Variants in VSTM4 observed in about 807,000 individuals in gnomAD.
VSTM4 encodes the protein V-set and transmembrane domain-containing protein 4.
In VSTM4, 20 loss-of-function variants were observed where a neutral mutation model predicts 36.4. The observed-to-expected ratio is 0.55, with a 90% confidence interval of 0.39 to 0.80. The LOEUF (loss-of-function observed/expected upper bound fraction) is 0.80. VSTM4 is among the 30% of genes least tolerant of loss of function. VSTM4 has a pLI of 0.00. For synonymous variants in VSTM4, 182 were observed against 173.9 expected (o/e 1.05, Z -0.37); for missense variants, 392 against 404.5 (o/e 0.97, Z 0.26).
chr10:49,037,486 G>A (rs557746326), intron 7 of VSTM4, among the ~76,000 whole-genome samples: 2 of 152,316 alleles, frequency 1.3e-5, no homozygotes, highest in Admixed American at 6.5e-5. Flanking sequence ...ATCCTCCCAC[G>A]CAAACATTAT....
At chr10:49,046,634 CAT>C (rs1201599174) in intron 7 of VSTM4, among the ~76,000 whole-genome samples, 1 of 152,182 alleles carries the variant, frequency 6.6e-6, no homozygotes, top group African/African-American at 2.4e-5. Context: ...AAAGCTATGA[CAT>C]ATTTTCTGGA....
At chr10:49,045,770 A>C (rs1195896912) in intron 7 of VSTM4, among the ~76,000 whole-genome samples, 1 of 152,168 alleles carries the variant, frequency 6.6e-6, no homozygotes, top group Non-Finnish European at 1.5e-5. Flanking sequence ...CACCATTAAC[A>C]AGATATATTG....
intron 7 of VSTM4, among the ~76,000 whole-genome samples, chr10:49,030,072 G>T (rs1877806): frequency 6.6e-6 from 1 of 152,122 alleles, no homozygotes; most frequent in Non-Finnish European, 1.5e-5. Context: ...CTGTGTGTGG[G>T]GTGGCAGCAG....
At chr10:49,031,200 C>G (rs59250742) in intron 7 of VSTM4, among the ~76,000 whole-genome samples, 5,721 of 152,302 alleles carry the variant, frequency 0.038, 313 homozygotes, top group African/African-American at 0.11. Flanking sequence ...CTAGACCCAT[C>G]TAATTGTGCA....
rs1035984141 is a variant in VSTM4 at position 49,017,794 on chromosome 10, C to T, written c.*1856G>A. On this transcript the variant is annotated 3_prime_UTR_variant, in exon 8 of 8. Transcript: ENST00000332853. ...AAATTAGGAGATCATCCTCTGCCCT[C>T]AAAACACTATACATCTGTCAGAACA... 9 of 152,116 alleles carry T rather than the reference C, an allele frequency of 5.9e-5. No individual in the cohort carries two copies. The highest frequency in any genetic ancestry group is 2.2e-4 in the African/African-American group (9 of 41,402). The allele number at this position is 152,116 out of a possible 1,614,324, so 9.4% of individuals were successfully genotyped here. A position where few individuals can be genotyped will look rare whatever the true frequency, so the allele number is the denominator to read the frequency against.
chr10:49,065,647 G>T (rs1342345637), intron 4 of VSTM4, among the ~76,000 whole-genome samples: 1 of 152,132 alleles, frequency 6.6e-6, no homozygotes, highest in Non-Finnish European at 1.5e-5. Flanking sequence ...CCAAGGCCCC[G>T]AACAACCAGG....
chr10:49,031,826 C>T (rs550198005), intron 7 of VSTM4, among the ~76,000 whole-genome samples: 24 of 152,160 alleles, frequency 1.6e-4, no homozygotes, highest in South Asian at 2.1e-4. Flanking sequence ...TTGCTCCACA[C>T]GTCCCTCTTG....
At chr10:49,050,819 C>T (rs1424841835) in intron 5 of VSTM4, among the ~76,000 whole-genome samples, 2 of 152,196 alleles carry the variant, frequency 1.3e-5, no homozygotes, top group African/African-American at 4.8e-5. Context: ...GAAAATAACA[C>T]TGTCATAACC....
chr10:49,058,831 T>G (rs959579228), intron 5 of VSTM4, among the ~76,000 whole-genome samples: 1 of 152,166 alleles, frequency 6.6e-6, no homozygotes, highest in African/African-American at 2.4e-5. Context: ...CCCAGGCATC[T>G]TCTCCTGACC....
At chr10:49,106,352 T>G (rs916648266) in intron 2 of VSTM4, among the ~76,000 whole-genome samples, 3 of 152,216 alleles carry the variant, frequency 2.0e-5, no homozygotes, top group African/African-American at 4.8e-5. Flanking sequence ...CCAAACTAAA[T>G]TCAATTTCAA....
intron 4 of VSTM4, among the ~76,000 whole-genome samples, chr10:49,074,591 C>G (rs936979015): frequency 3.3e-5 from 5 of 152,200 alleles, no homozygotes; most frequent in African/African-American, 1.2e-4. Context: ...GCACGGTCCT[C>G]CATCCTTGGC....
At chr10:49,066,807 C>T (rs1450267833) in intron 4 of VSTM4, among the ~76,000 whole-genome samples, 1 of 151,998 alleles carries the variant, frequency 6.6e-6, no homozygotes, top group Non-Finnish European at 1.5e-5. Context: ...AATATTTTAA[C>T]AGACACTTAT....
At chr10:49,055,625 TA>T (rs1200886192) in intron 5 of VSTM4, among the ~76,000 whole-genome samples, 1 of 152,196 alleles carries the variant, frequency 6.6e-6, no homozygotes, top group Admixed American at 6.5e-5. Context: ...TGTCTTGCCT[TA>T]GGCTTTTTGA....
chr10:49,111,711 A>T (rs1162715623), intron 1 of VSTM4, among the ~76,000 whole-genome samples: 1 of 152,202 alleles, frequency 6.6e-6, no homozygotes, highest in Middle Eastern at 3.2e-3. Context: ...CTTAAGCCTC[A>T]TGCAGCAGGC....
intron 3 of VSTM4, among the ~76,000 whole-genome samples, chr10:49,079,878 G>A (rs1844248542): frequency 6.6e-6 from 1 of 152,118 alleles, no homozygotes. Context: ...TATACTTTAT[G>A]ATGAATATGC....
chr10:49,097,147 A>G (rs777544189), intron 2 of VSTM4, among the ~76,000 whole-genome samples: 7 of 152,174 alleles, frequency 4.6e-5, no homozygotes, highest in Non-Finnish European at 8.8e-5. Context: ...GAACCTTAGG[A>G]CACGTGGCAC....
At chr10:49,079,095 G>T (rs184278580) in intron 3 of VSTM4, among the ~76,000 whole-genome samples, 1 of 152,258 alleles carries the variant, frequency 6.6e-6, no homozygotes, top group African/African-American at 2.4e-5. Context: ...ACCTCCCAAA[G>T]TGCTGGGATT....
chr10:49,092,666 C>T (rs1415139100), intron 2 of VSTM4, among the ~76,000 whole-genome samples: 1 of 152,158 alleles, frequency 6.6e-6, no homozygotes, highest in Non-Finnish European at 1.5e-5. Flanking sequence ...TAGGTGAGGA[C>T]AGGCATTTCC....
At chr10:49,052,290 A>T (rs771572842) in intron 5 of VSTM4, among the ~76,000 whole-genome samples, 3 of 152,220 alleles carry the variant, frequency 2.0e-5, no homozygotes, top group Non-Finnish European at 2.9e-5. Flanking sequence ...CAATTTTTTT[A>T]AAATGACTCA....
Sources: allele counts gnomAD v4.1 joint callset (sites outside exome capture counted in the v4.1 genomes callset), GRCh38; gene constraint gnomAD v4.1.1; transcripts MANE v1.5; gene names NCBI Gene and HGNC (gene_info 2026-07-23, HGNC 2026-07-21).